The following GALNT17 variants were observed in gnomAD, a reference collection of about 807,000 sequenced individuals.
The protein encoded by GALNT17 is UDP-GalNAc:polypeptide N-acetylgalactosaminyltransferase-like 3.
In GALNT17, 29 loss-of-function variants were observed where a neutral mutation model predicts 63.7. The observed-to-expected ratio is 0.46, with a 90% confidence interval of 0.34 to 0.62. GALNT17 has a LOEUF of 0.62. Ranked by LOEUF, GALNT17 falls within the 20% of genes least tolerant of loss-of-function variation. GALNT17 has a pLI of 0.01. For synonymous variants in GALNT17, 305 were observed against 318.3 expected (o/e 0.96, Z 0.45); for missense variants, 603 against 799.6 (o/e 0.75, Z 2.97).
intron 5 of GALNT17, among the ~76,000 whole-genome samples, chr7:71,532,006 G>A (rs1584030030): frequency 6.6e-6 from 1 of 152,160 alleles, no homozygotes; most frequent in Non-Finnish European, 1.5e-5. Flanking sequence ...ACCACCAAGG[G>A]GTGTTAATGG....
At chr7:71,136,244 G>A (rs879738054) in intron 1 of GALNT17, among the ~76,000 whole-genome samples, 1 of 152,042 alleles carries the variant, frequency 6.6e-6, no homozygotes. Flanking sequence ...CTCTGCAGCC[G>A]GTCTTCATTC....
intron 1 of GALNT17, among the ~76,000 whole-genome samples, chr7:71,157,361 T>A (rs186863263): frequency 5.3e-5 from 8 of 151,430 alleles, no homozygotes; most frequent in Admixed American, 3.9e-4. Flanking sequence ...TTTAAAAAAA[T>A]TGAGGTAATG....
chr7:71,463,700 C>T (rs1430571547), intron 5 of GALNT17, among the ~76,000 whole-genome samples: 1 of 152,116 alleles, frequency 6.6e-6, no homozygotes, highest in Non-Finnish European at 1.5e-5. Context: ...CTGAGGGTTC[C>T]TCCCCTTTTT....
intron 6 of GALNT17, among the ~76,000 whole-genome samples, chr7:71,596,939 G>A (rs1192000704): frequency 6.6e-6 from 1 of 152,044 alleles, no homozygotes; most frequent in Admixed American, 6.6e-5. Flanking sequence ...TCTAATTCCA[G>A]TGCTGTGGGA....
intron 2 of GALNT17, among the ~76,000 whole-genome samples, chr7:71,359,557 C>G (rs1409467059): frequency 6.6e-6 from 1 of 151,916 alleles, no homozygotes; most frequent in East Asian, 1.9e-4. Flanking sequence ...GTCAAATATC[C>G]AAAACATAGC....
rs751702895 is a variant in GALNT17, at chr7:71,300,604, A to G, written c.239-34946A>G. ...CACACACACATGCATGCGCGTGCAC[A>G]TACACACAACCACACACACAAACAC... On this transcript the variant is annotated intron_variant, in intron 1 of 10. Transcript: ENST00000333538. 1.0e-5 allele frequency: 3 copies of G among 295,964 alleles called. No individual in the cohort carries two copies. In the Admixed American group the frequency reaches 1.4e-4, roughly 14 times the overall value. 18.3% of individuals were successfully genotyped at this position (295,964 alleles called of 1,614,324 possible). A position where few individuals can be genotyped will look rare whatever the true frequency, so the allele number is the denominator to read the frequency against.
intron 5 of GALNT17, among the ~76,000 whole-genome samples, chr7:71,505,495 G>C (rs749537150): frequency 2.0e-5 from 3 of 152,164 alleles, no homozygotes; most frequent in African/African-American, 7.2e-5. Flanking sequence ...AGCTACTTAC[G>C]AGGCTGAAGT....
chr7:71,612,327 G>T (rs1322770836), intron 6 of GALNT17, among the ~76,000 whole-genome samples: 1 of 152,154 alleles, frequency 6.6e-6, no homozygotes. Flanking sequence ...CCCATCTGAA[G>T]AATTGGGCAT....
At chr7:71,601,428 A>G (rs1324881642) in intron 6 of GALNT17, among the ~76,000 whole-genome samples, 4 of 152,008 alleles carry the variant, frequency 2.6e-5, no homozygotes, top group African/African-American at 4.8e-5. Context: ...ATTAGTAGAG[A>G]GCAGGGGAGA....
chr7:71,283,106 G>A (rs928617304), intron 1 of GALNT17, among the ~76,000 whole-genome samples: 2 of 151,576 alleles, frequency 1.3e-5, no homozygotes, highest in Non-Finnish European at 2.9e-5. Context: ...ATCATAGCTC[G>A]TGGTAACCTC....
At chr7:71,523,793 A>G (rs896015177) in intron 5 of GALNT17, among the ~76,000 whole-genome samples, 1 of 151,080 alleles carries the variant, frequency 6.6e-6, no homozygotes, top group African/African-American at 2.4e-5. Flanking sequence ...ATAATAAAGA[A>G]AAGAAAGAAA....
At chr7:71,331,684 C>T (rs1269769385) in intron 1 of GALNT17, among the ~76,000 whole-genome samples, 4 of 151,098 alleles carry the variant, frequency 2.6e-5, no homozygotes, top group African/African-American at 9.8e-5. Flanking sequence ...CACTGCACTC[C>T]AGCCTGGGTG....
chr7:71,307,397 G>C (rs1791324892), intron 1 of GALNT17, among the ~76,000 whole-genome samples: 1 of 151,762 alleles, frequency 6.6e-6, no homozygotes, highest in Non-Finnish European at 1.5e-5. Flanking sequence ...TACCCTGCTG[G>C]GTATATGTTA....
chr7:71,274,061 G>T (rs552046210), intron 1 of GALNT17, among the ~76,000 whole-genome samples: 1 of 152,220 alleles, frequency 6.6e-6, no homozygotes, highest in Non-Finnish European at 1.5e-5. Context: ...CCAGCCCTCT[G>T]GGTAGGGCGA....
chr7:71,147,640 CT>C (rs915956383), intron 1 of GALNT17, among the ~76,000 whole-genome samples: 6 of 148,340 alleles, frequency 4.0e-5, no homozygotes, highest in Admixed American at 6.8e-5. Context: ...TTTCTTTTTT[CT>C]TTTTTTTTTA....
intron 5 of GALNT17, among the ~76,000 whole-genome samples, chr7:71,547,238 C>T (rs1461412341): frequency 2.0e-5 from 3 of 151,982 alleles, no homozygotes; most frequent in Non-Finnish European, 2.9e-5. Context: ...GATCTTGGCT[C>T]ACTGCAACCT....
chr7:71,637,275 T>C (rs889179775), intron 6 of GALNT17, among the ~76,000 whole-genome samples: 4 of 152,150 alleles, frequency 2.6e-5, no homozygotes, highest in Admixed American at 6.5e-5. Context: ...AACCTCCATC[T>C]CCCAGGTTCA....
chr7:71,669,399 T>C (rs1460977559), intron 7 of GALNT17, among the ~76,000 whole-genome samples: 1 of 151,912 alleles, frequency 6.6e-6, no homozygotes, highest in Admixed American at 6.6e-5. Flanking sequence ...GAATCCCAGC[T>C]ACTGGGGAGG....
intron 5 of GALNT17, among the ~76,000 whole-genome samples, chr7:71,488,748 T>A (rs1350805340): frequency 7.1e-6 from 1 of 140,084 alleles, no homozygotes; most frequent in South Asian, 2.3e-4. Flanking sequence ...CCCCGCTAAT[T>A]TTTTTGTATT....
Sources: gnomAD v4.1 joint callset for allele counts (sites outside exome capture counted in the v4.1 genomes callset) on GRCh38, gnomAD v4.1.1 for gene constraint, MANE v1.5 for transcripts, NCBI Gene and HGNC (gene_info 2026-07-23, HGNC 2026-07-21) for gene names.